The following KIAA1671 variants were observed in gnomAD, a reference collection of about 807,000 sequenced individuals.
The protein encoded by KIAA1671 is uncharacterized protein KIAA1671.
KIAA1671 carries 52 observed loss-of-function variants against 131.2 expected under a neutral mutation model. That is an observed-to-expected ratio of 0.40 (90% CI 0.32 to 0.50). The LOEUF (loss-of-function observed/expected upper bound fraction) is 0.50, where lower values mean the gene tolerates loss of function less well. Among genes scored for constraint, KIAA1671 ranks in the 20% least tolerant of loss-of-function variants. KIAA1671 has a pLI of 0.73. For missense variants in KIAA1671, 2,360 were observed against 2,364.2 expected, an observed-to-expected ratio of 1.00 and a Z score of 0.04; for synonymous variants, 1,003 against 961.6, an observed-to-expected ratio of 1.04 and a Z score of -0.80.
intron 10 of KIAA1671, among the ~76,000 whole-genome samples, chr22:25,182,182 A>AAAAAACAC (rs1555885469): frequency 2.7e-5 from 4 of 148,500 alleles, no homozygotes; most frequent in Non-Finnish European, 5.9e-5. Context: ...CCATCTCAAA[A>AAAAAACAC]AAAAAACAAA....
intron 1 of KIAA1671, among the ~76,000 whole-genome samples, chr22:25,002,067 T>G (rs1439483573): frequency 6.6e-6 from 1 of 152,144 alleles, no homozygotes; most frequent in Non-Finnish European, 1.5e-5. Context: ...GTGTCCCACC[T>G]CTGGTTAGGA....
chr22:25,056,925 T>C (rs1440544428), intron 6 of KIAA1671: 1 of 152,230 alleles, frequency 6.6e-6, no homozygotes, highest in Admixed American at 6.5e-5. Flanking sequence ...CTATTGTTGC[T>C]GTGACTATGT....
rs118141550 is a variant in KIAA1671, at chr22:24,986,223, C to T, written c.-208+33451C>T. Among the ~76,000 whole-genome samples, 451 of 152,194 alleles carry T rather than the reference C, an allele frequency of 3.0e-3. 1 individual carries two copies. Among genetic ancestry groups the T allele is most frequent in the Middle Eastern group, 0.014 (4 of 294 alleles). The stretch of plus-strand genomic sequence containing the variant: ...TGACTCTGGAGGGGCGTTTGGCCAC[C>T]CTAAGGGATGACGCTTGTGGCTTCA... On this transcript the variant is annotated intron_variant, in intron 1 of 12. Coordinates refer to ENST00000358431, the MANE Select transcript of KIAA1671 (RefSeq NM_001145206.2).
chr22:25,186,720 A>G (rs902463370), intron 11 of KIAA1671, among the ~76,000 whole-genome samples: 1 of 152,270 alleles, frequency 6.6e-6, no homozygotes, highest in African/African-American at 2.4e-5. Flanking sequence ...CTGCACATGC[A>G]AAGGCCTGGA....
intron 6 of KIAA1671, among the ~76,000 whole-genome samples, chr22:25,070,787 C>G (rs1928780051): frequency 1.3e-5 from 2 of 152,154 alleles, no homozygotes; most frequent in Admixed American, 1.3e-4. Flanking sequence ...ATCCCTCTTG[C>G]CTCTGTGTGT....
intron 6 of KIAA1671, among the ~76,000 whole-genome samples, chr22:25,065,566 A>G (rs1374793950): frequency 6.6e-6 from 1 of 152,224 alleles, no homozygotes; most frequent in East Asian, 1.9e-4. Flanking sequence ...CCCAAAAAAG[A>G]AAAACAACAC....
At chr22:25,093,811 TGTCTCTCTCTCTTTCTCTCTCTGTCTGTC>T (rs1930230988) in intron 6 of KIAA1671, among the ~76,000 whole-genome samples, 1 of 106,666 alleles carries the variant, frequency 9.4e-6, no homozygotes, top group African/African-American at 3.7e-5. Context: ...TCTCTCTCTC[TGTCTCTCTCTCTTTCTCTCTCTGTCTGTC>T]TCTCTCTCTC....
At chr22:25,192,171 T>A (rs1934690055) in intron 12 of KIAA1671, among the ~76,000 whole-genome samples, 1 of 152,128 alleles carries the variant, frequency 6.6e-6, no homozygotes, top group Non-Finnish European at 1.5e-5. Flanking sequence ...AGGCTCAGAA[T>A]TGAGACTGGA....
intron 6 of KIAA1671, among the ~76,000 whole-genome samples, chr22:25,085,609 C>G (rs1929667280): frequency 6.6e-6 from 1 of 151,734 alleles, no homozygotes; most frequent in Admixed American, 6.6e-5. Flanking sequence ...TCCTCATGGC[C>G]CTGACAGGAA....
At chr22:25,074,514 A>AAAAAAAAAAAG (rs59411918) in intron 6 of KIAA1671, among the ~76,000 whole-genome samples, 12 of 117,420 alleles carry the variant, frequency 1.0e-4, no homozygotes, top group African/African-American at 3.3e-4. Context: ...AAAAAAAAAA[A>AAAAAAAAAAAG]AAAGAAAGAA....
At chr22:25,146,858 G>A (rs539648320) in intron 6 of KIAA1671, among the ~76,000 whole-genome samples, 58 of 152,280 alleles carry the variant, frequency 3.8e-4, no homozygotes, top group African/African-American at 1.3e-3. Flanking sequence ...GGACTGTTTG[G>A]GAACCCAGGA....
intron 3 of KIAA1671, among the ~76,000 whole-genome samples, chr22:25,031,239 C>T (rs34684249): frequency 7.0e-6 from 1 of 143,494 alleles, no homozygotes; most frequent in Non-Finnish European, 1.5e-5. Flanking sequence ...CGCTCTGCCG[C>T]TGAGGCCAGA....
intron 6 of KIAA1671, among the ~76,000 whole-genome samples, chr22:25,163,849 C>T (rs946851273): frequency 4.6e-5 from 7 of 152,160 alleles, no homozygotes; most frequent in African/African-American, 1.4e-4. Context: ...TCCTGCAGGG[C>T]GGTGTCCATG....
intron 1 of KIAA1671, chr22:25,014,232 G>A (rs937041157): frequency 1.3e-5 from 2 of 152,138 alleles, no homozygotes; most frequent in African/African-American, 2.4e-5. Flanking sequence ...TGTATAGGGT[G>A]TATAGCTATT....
intron 6 of KIAA1671, among the ~76,000 whole-genome samples, chr22:25,133,953 A>G (rs550831042): frequency 1.1e-4 from 17 of 152,208 alleles, no homozygotes; most frequent in Non-Finnish European, 2.1e-4. Context: ...TACTGGCCTG[A>G]GAGGGCCTTG....
intron 6 of KIAA1671, among the ~76,000 whole-genome samples, chr22:25,155,612 G>A (rs1274889245): frequency 6.6e-6 from 1 of 151,850 alleles, no homozygotes; most frequent in Non-Finnish European, 1.5e-5. Context: ...GTGTATATTT[G>A]TGTTTGTGTG....
At chr22:25,162,350 T>C (rs1200294780) in intron 6 of KIAA1671, among the ~76,000 whole-genome samples, 1 of 152,098 alleles carries the variant, frequency 6.6e-6, no homozygotes, top group African/African-American at 2.4e-5. Flanking sequence ...CAGCTGGGGG[T>C]ATAGAATTGC....
chr22:24,998,600 C>T (rs1433685240), intron 1 of KIAA1671, among the ~76,000 whole-genome samples: 5 of 150,930 alleles, frequency 3.3e-5, no homozygotes, highest in African/African-American at 1.2e-4. Context: ...GGCCTGTAGT[C>T]CCAGCTACTA....
intron 1 of KIAA1671, among the ~76,000 whole-genome samples, chr22:24,975,324 C>A (rs545564162): frequency 2.2e-4 from 30 of 134,118 alleles, no homozygotes; most frequent in African/African-American, 8.0e-4. Flanking sequence ...TTTTTTTTTT[C>A]AGTTTTTTTT....
Sources: gnomAD v4.1 joint callset for allele counts (sites outside exome capture counted in the v4.1 genomes callset) on GRCh38, gnomAD v4.1.1 for gene constraint, MANE v1.5 for transcripts, NCBI Gene and HGNC (gene_info 2026-07-23, HGNC 2026-07-21) for gene names.